MARCHF1: variants seen among roughly 807,000 people sequenced by gnomAD.
MARCHF1 encodes the protein E3 ubiquitin-protein ligase MARCHF1.
In MARCHF1, 40 loss-of-function variants were observed where a neutral mutation model predicts 54.2. That is an observed-to-expected ratio of 0.74 (90% CI 0.57 to 0.96). MARCHF1 has a LOEUF of 0.96. Among genes scored for constraint, MARCHF1 ranks in the 40% least tolerant of loss-of-function variants. MARCHF1 has a pLI of 0.00. For synonymous variants in MARCHF1, 236 were observed against 236.3 expected (o/e 1.00, Z 0.01); for missense variants, 586 against 656.5 (o/e 0.89, Z 1.17).
chr4:163,634,066 A>T (rs1317608124), intron 5 of MARCHF1, among the ~76,000 whole-genome samples: 1 of 152,202 alleles, frequency 6.6e-6, no homozygotes, highest in Non-Finnish European at 1.5e-5. Context: ...TGTCACCACC[A>T]GGCCTGCCCT....
At chr4:164,152,430 A>T (rs1466465195) in intron 1 of MARCHF1, among the ~76,000 whole-genome samples, 4 of 152,262 alleles carry the variant, frequency 2.6e-5, no homozygotes, top group East Asian at 3.9e-4. Flanking sequence ...TAAACCAGGA[A>T]TTCTCATCAG....
chr4:164,351,986 C>T (rs1205092856), intron 1 of MARCHF1, among the ~76,000 whole-genome samples: 13 of 137,898 alleles, frequency 9.4e-5, no homozygotes, highest in South Asian at 4.7e-4. Context: ...GGAGCTGATG[C>T]GATCAACTGG....
chr4:163,979,888 A>G (rs1752727076), intron 3 of MARCHF1, among the ~76,000 whole-genome samples: 1 of 151,834 alleles, frequency 6.6e-6, no homozygotes, highest in Admixed American at 6.6e-5. Flanking sequence ...TTTCTTGTAA[A>G]TTTGGTTGAG....
intron 4 of MARCHF1, among the ~76,000 whole-genome samples, chr4:163,783,829 C>T (rs1280437428): frequency 6.6e-6 from 1 of 152,144 alleles, no homozygotes; most frequent in Non-Finnish European, 1.5e-5. Context: ...CAGGTAGTAG[C>T]AGCCAACACA....
intron 1 of MARCHF1, among the ~76,000 whole-genome samples, chr4:164,313,077 G>A (rs377085246): frequency 9.9e-5 from 15 of 151,178 alleles, no homozygotes; most frequent in Admixed American, 2.0e-4. Flanking sequence ...GGTGGCTCAC[G>A]CCTGTAATCC....
intron 7 of MARCHF1, 59 bp downstream of exon 7, chr4:163,612,212 A>T: frequency 2.2e-6 from 3 of 1,382,426 alleles, no homozygotes; most frequent in South Asian, 1.6e-5. Context: ...CACGCACCTA[A>T]CTCACTGCAA....
chr4:164,149,665 T>C (rs1034216870), intron 1 of MARCHF1, among the ~76,000 whole-genome samples: 1 of 152,130 alleles, frequency 6.6e-6, no homozygotes, highest in African/African-American at 2.4e-5. Flanking sequence ...TTCGGGTCAG[T>C]AGTAAAAATT....
chr4:164,094,852 GTAATT>G (rs1755377439), intron 2 of MARCHF1, among the ~76,000 whole-genome samples: 1 of 152,016 alleles, frequency 6.6e-6, no homozygotes, highest in Admixed American at 6.6e-5. Flanking sequence ...ACTGCTAAAA[GTAATT>G]TAATAGTATT....
intron 7 of MARCHF1, among the ~76,000 whole-genome samples, chr4:163,604,947 T>A (rs935159648): frequency 6.6e-6 from 1 of 152,130 alleles, no homozygotes; most frequent in Admixed American, 6.6e-5. Context: ...TTCACAGATT[T>A]TTTTTATGCC....
At chr4:164,220,592 T>TATGTATGTAATATATATGCTATATATGC (rs1732072158) in intron 1 of MARCHF1, among the ~76,000 whole-genome samples, 3 of 119,134 alleles carry the variant, frequency 2.5e-5, no homozygotes, top group African/African-American at 9.5e-5. Flanking sequence ...ATGATATATG[T>TATGTATGTAATATATATGCTATATATGC]ATATATGTAA....
At chr4:163,962,785 T>C (rs1014891747) in intron 3 of MARCHF1, among the ~76,000 whole-genome samples, 1 of 151,896 alleles carries the variant, frequency 6.6e-6, no homozygotes, top group African/African-American at 2.4e-5. Context: ...TAAAATCCTA[T>C]ACCACTTTTT....
At chr4:163,542,009 G>A (rs779234582) in intron 9 of MARCHF1, among the ~76,000 whole-genome samples, 5 of 152,192 alleles carry the variant, frequency 3.3e-5, no homozygotes, top group Non-Finnish European at 5.9e-5. Flanking sequence ...GAGCTGTCCC[G>A]CTGGCAAGCG....
At chr4:164,225,270 A>G (rs1452966617) in intron 1 of MARCHF1, among the ~76,000 whole-genome samples, 2 of 152,076 alleles carry the variant, frequency 1.3e-5, no homozygotes, top group Admixed American at 6.6e-5. Context: ...TGTCTCAAGT[A>G]TATCGTCTTT....
intron 3 of MARCHF1, among the ~76,000 whole-genome samples, chr4:163,877,376 C>A (rs1464740052): frequency 1.3e-5 from 2 of 151,834 alleles, no homozygotes; most frequent in Non-Finnish European, 2.9e-5. Context: ...TCAGAATTAA[C>A]TGAAGAGCTC....
At chr4:164,351,147 C>G (rs35233860) in intron 1 of MARCHF1, among the ~76,000 whole-genome samples, 1 of 151,596 alleles carries the variant, frequency 6.6e-6, no homozygotes, top group East Asian at 2.0e-4. Flanking sequence ...AGCACAGCAG[C>G]CTGAGATCAA....
chr4:164,216,985 T>C (rs1414199337), intron 1 of MARCHF1, among the ~76,000 whole-genome samples: 2 of 152,320 alleles, frequency 1.3e-5, no homozygotes, highest in South Asian at 4.1e-4. Flanking sequence ...CCTTAACCAA[T>C]AGCATGAAAA....
intron 3 of MARCHF1, among the ~76,000 whole-genome samples, chr4:163,967,791 T>C (rs1326569163): frequency 6.6e-6 from 1 of 152,132 alleles, no homozygotes. Flanking sequence ...CAGTGTGGAC[T>C]AGCAGGCTCG....
chr4:163,964,279 T>G (rs1196500401), intron 3 of MARCHF1, among the ~76,000 whole-genome samples: 1 of 152,006 alleles, frequency 6.6e-6, no homozygotes, highest in African/African-American at 2.4e-5. Context: ...AAAACTTCAC[T>G]ATGAGTAGAA....
intron 3 of MARCHF1, among the ~76,000 whole-genome samples, chr4:163,947,763 G>A (rs573758555): frequency 6.6e-6 from 1 of 152,334 alleles, no homozygotes; most frequent in Admixed American, 6.5e-5. Flanking sequence ...AGCTTATATT[G>A]TCTAGAAGCC....
Sources: allele counts gnomAD v4.1 joint callset (sites outside exome capture counted in the v4.1 genomes callset), GRCh38; gene constraint gnomAD v4.1.1; transcripts MANE v1.5; gene names NCBI Gene and HGNC (gene_info 2026-07-23, HGNC 2026-07-21).